Variants in CA10 observed in about 807,000 individuals in gnomAD.
The protein encoded by CA10 is carbonic anhydrase 10 (inactive).
CA10 carries 14 observed loss-of-function variants against 44.2 expected under a neutral mutation model. The ratio of observed to expected loss-of-function variants is 0.32; its 90% CI spans 0.21 to 0.50. The LOEUF (loss-of-function observed/expected upper bound fraction) is 0.50, where lower values mean the gene tolerates loss of function less well. Among genes scored for constraint, CA10 ranks in the 20% least tolerant of loss-of-function variants. CA10 has a pLI of 0.99. For missense variants in CA10, 350 were observed against 409.7 expected (o/e 0.85, Z 1.26); for synonymous variants, 159 against 141.6 (o/e 1.12, Z -0.87).
intron 1 of CA10, among the ~76,000 whole-genome samples, chr17:52,126,736 G>A (rs1989128175): frequency 1.3e-5 from 2 of 152,098 alleles, no homozygotes; most frequent in Admixed American, 1.3e-4. Flanking sequence ...CAATGTGTAG[G>A]AGAATATTAA....
At chr17:51,930,884 G>C in intron 3 of CA10, 106 bp downstream of exon 3, 2 of 1,321,220 alleles carry the variant, frequency 1.5e-6, no homozygotes, top group Non-Finnish European at 2.1e-6. Flanking sequence ...GGTATTCCTA[G>C]GTGGGAGGAC....
intron 2 of CA10, among the ~76,000 whole-genome samples, chr17:51,982,376 G>T (rs1196582290): frequency 6.6e-6 from 1 of 151,788 alleles, no homozygotes; most frequent in African/African-American, 2.4e-5. Context: ...GTGCAATCAG[G>T]GTCTATCCAC....
intron 2 of CA10, among the ~76,000 whole-genome samples, chr17:51,942,041 A>C (rs1054182544): frequency 6.6e-6 from 1 of 152,152 alleles, no homozygotes; most frequent in Admixed American, 6.6e-5. Context: ...ACCACATATT[A>C]ATAACTGTAT....
Position 51,839,676 on chromosome 17 carries a change from G to A in CA10, c.279+91314C>T, listed in dbSNP as rs563663295. Among the ~76,000 whole-genome samples, 13 of 152,240 alleles carry A rather than the reference G, an allele frequency of 8.5e-5. 1 individual carries two copies. The South Asian group carries it at 2.7e-3, about 32-fold the overall frequency. On this transcript the variant is annotated intron_variant, in intron 3 of 8. Transcript: ENST00000451037. ...TAAAGTAATGACAGGGGACCCTGGAGGGGCTTATAGCTTGGTAGAGAGATT... is the reference window on the plus strand; with the variant it reads ...TAAAGTAATGACAGGGGACCCTGGAAGGGCTTATAGCTTGGTAGAGAGATT...
intron 2 of CA10, among the ~76,000 whole-genome samples, chr17:52,005,200 T>G (rs1985556657): frequency 6.6e-6 from 1 of 151,938 alleles, no homozygotes; most frequent in Admixed American, 6.6e-5. Flanking sequence ...ACCTTAATGA[T>G]TCTACAAATA....
At chr17:51,890,959 A>G (rs1392224738) in intron 3 of CA10, among the ~76,000 whole-genome samples, 4 of 130,688 alleles carry the variant, frequency 3.1e-5, no homozygotes, top group South Asian at 5.0e-4. Context: ...AAACAAGGCC[A>G]TATCTCCTCC....
chr17:51,689,000 A>G (rs1481545528), intron 4 of CA10, among the ~76,000 whole-genome samples: 1 of 152,190 alleles, frequency 6.6e-6, no homozygotes, highest in Non-Finnish European at 1.5e-5. Flanking sequence ...TATTTTATAT[A>G]AGGGGTAACG....
At chr17:52,142,882 G>A (rs2143388444) in intron 1 of CA10, among the ~76,000 whole-genome samples, 1 of 152,236 alleles carries the variant, frequency 6.6e-6, no homozygotes, top group South Asian at 2.1e-4. Flanking sequence ...GGCAGAGTGT[G>A]GGTTTAAATG....
chr17:51,785,275 T>C (rs2143685859), intron 3 of CA10, among the ~76,000 whole-genome samples: 1 of 150,662 alleles, frequency 6.6e-6, no homozygotes, highest in African/African-American at 2.4e-5. Flanking sequence ...GATTTCGTGG[T>C]TATTAATCCC....
chr17:51,717,855 A>ATACGTGTG (rs1916214098), intron 4 of CA10, among the ~76,000 whole-genome samples: 1 of 41,838 alleles, frequency 2.4e-5, no homozygotes, highest in African/African-American at 6.2e-5. Flanking sequence ...ATATATATAT[A>ATACGTGTG]TATATATATA....
chr17:51,835,765 CTTTGA>C (rs1292708866), intron 3 of CA10, among the ~76,000 whole-genome samples: 1 of 152,150 alleles, frequency 6.6e-6, no homozygotes, highest in East Asian at 1.9e-4. Context: ...TAACACCTGC[CTTTGA>C]TTTAAGTGGG....
At chr17:51,706,438 C>A (rs541074497) in intron 4 of CA10, among the ~76,000 whole-genome samples, 3 of 152,346 alleles carry the variant, frequency 2.0e-5, no homozygotes, top group Non-Finnish European at 4.4e-5. Context: ...GCTCTCCTTT[C>A]AAAATGCATG....
intron 1 of CA10, among the ~76,000 whole-genome samples, chr17:52,099,812 T>C (rs867360679): frequency 7.9e-5 from 12 of 152,178 alleles, no homozygotes; most frequent in East Asian, 1.9e-4. Context: ...AGACTGAAGA[T>C]ATGGAGTCTT....
chr17:51,766,177 C>G (rs1858656747), intron 3 of CA10, among the ~76,000 whole-genome samples: 1 of 152,166 alleles, frequency 6.6e-6, no homozygotes, highest in East Asian at 1.9e-4. Flanking sequence ...AAGGCTCCAG[C>G]TCAAGGTAGA....
intron 2 of CA10, among the ~76,000 whole-genome samples, chr17:52,006,698 C>T (rs1448210164): frequency 1.3e-5 from 2 of 151,778 alleles, no homozygotes; most frequent in Non-Finnish European, 2.9e-5. Flanking sequence ...CTTTTTCACA[C>T]AAGATTGGTT....
chr17:51,992,460 A>G (rs1985076327), intron 2 of CA10, among the ~76,000 whole-genome samples: 1 of 152,052 alleles, frequency 6.6e-6, no homozygotes, highest in East Asian at 1.9e-4. Flanking sequence ...CCAGTTCCTG[A>G]TATATAGGAA....
chr17:51,986,119 A>T (rs1245564501), intron 2 of CA10, among the ~76,000 whole-genome samples: 2 of 152,130 alleles, frequency 1.3e-5, no homozygotes, highest in Non-Finnish European at 2.9e-5. Flanking sequence ...CTATAAGGCA[A>T]CAGTCAACAA....
chr17:51,856,452 A>G lies in CA10; in HGVS notation c.279+74538T>C, dbSNP rs56869466. On this transcript the variant is annotated intron_variant, in intron 3 of 8. Coordinates refer to ENST00000451037, the MANE Select transcript of CA10 (RefSeq NM_020178.5). Reference sequence around the variant, plus strand: ...ACAAGGAGTCTAGAAACAATATAAAAGGACAGATAGTTGTAAAGTAAGTGG... The same window carrying G: ...ACAAGGAGTCTAGAAACAATATAAAGGGACAGATAGTTGTAAAGTAAGTGG... Among the ~76,000 whole-genome samples, 421 of 152,294 alleles carry G rather than the reference A, an allele frequency of 2.8e-3. 4 individuals are homozygous for G. The highest frequency in any genetic ancestry group is 9.7e-3 in the African/African-American group (401 of 41,550).
chr17:51,665,173 T>C (rs977243761), intron 4 of CA10, among the ~76,000 whole-genome samples: 1 of 152,236 alleles, frequency 6.6e-6, no homozygotes, highest in Non-Finnish European at 1.5e-5. Flanking sequence ...GGATAAACTG[T>C]TCACAAAACT....
Sources: allele counts gnomAD v4.1 joint callset (sites outside exome capture counted in the v4.1 genomes callset), GRCh38; gene constraint gnomAD v4.1.1; transcripts MANE v1.5; gene names NCBI Gene and HGNC (gene_info 2026-07-23, HGNC 2026-07-21).